The following RANBP2 variants were observed in gnomAD, a reference collection of about 807,000 sequenced individuals.
RANBP2 encodes the protein E3 SUMO-protein ligase RanBP2.
Under a neutral mutation model 303.6 loss-of-function variants are expected in RANBP2, and 57 were observed. The ratio of observed to expected loss-of-function variants is 0.19; its 90% CI spans 0.15 to 0.23. RANBP2 has a LOEUF of 0.23. RANBP2 is among the 10% of genes least tolerant of loss of function. The pLI is 1.00. For synonymous variants in RANBP2, 1,167 were observed against 1,301.5 expected, an observed-to-expected ratio of 0.90 and a Z score of 2.23; for missense variants, 3,138 against 3,780.8, an observed-to-expected ratio of 0.83 and a Z score of 4.46.
chr2:109,040,846 G>T, the RANBP2 span, among the ~76,000 whole-genome samples: 1 of 152,242 alleles, frequency 6.6e-6, no homozygotes, highest in South Asian at 2.1e-4. Flanking sequence ...ACAAGGTCAG[G>T]AGATCGAGAC....
chr2:108,776,654 A>G (rs973343748), intron 24 of RANBP2, among the ~76,000 whole-genome samples: 5 of 152,202 alleles, frequency 3.3e-5, no homozygotes, highest in Admixed American at 6.5e-5. Flanking sequence ...GAGATCATGC[A>G]GCTTCACATT....
At chr2:109,270,230 G>C in the RANBP2 span, among the ~76,000 whole-genome samples, 1 of 152,192 alleles carries the variant, frequency 6.6e-6, no homozygotes, top group African/African-American at 2.4e-5. Context: ...TCTGGGGGGT[G>C]AGGATGCTGG....
At chr2:109,366,943 C>T in the RANBP2 span, among the ~76,000 whole-genome samples, 23 of 152,190 alleles carry the variant, frequency 1.5e-4, no homozygotes, top group Admixed American at 6.5e-4. Context: ...GACTGGGATT[C>T]GTTTTTTGAA....
the RANBP2 span, among the ~76,000 whole-genome samples, chr2:109,164,321 C>T: frequency 3.9e-5 from 6 of 152,244 alleles, no homozygotes; most frequent in African/African-American, 1.4e-4. Flanking sequence ...GTAGCTAGGA[C>T]TACAGCACAG....
the RANBP2 span, among the ~76,000 whole-genome samples, chr2:108,932,985 T>C: frequency 6.6e-6 from 1 of 152,056 alleles, no homozygotes; most frequent in Admixed American, 6.5e-5. Flanking sequence ...CTCGCTCCCG[T>C]AGGAAGAGGG....
the RANBP2 span, among the ~76,000 whole-genome samples, chr2:109,419,948 T>C: frequency 6.6e-6 from 1 of 152,134 alleles, no homozygotes; most frequent in Non-Finnish European, 1.5e-5. Context: ...CTCCATAGCA[T>C]GGAAGGTCCG....
the RANBP2 span, among the ~76,000 whole-genome samples, chr2:109,383,705 C>T: frequency 4.6e-5 from 7 of 152,140 alleles, no homozygotes; most frequent in African/African-American, 1.4e-4. Flanking sequence ...GCTCAACCCC[C>T]GCAGAGGAGC....
chr2:109,193,186 A>T, the RANBP2 span, among the ~76,000 whole-genome samples: 109 of 152,338 alleles, frequency 7.2e-4, no homozygotes, highest in African/African-American at 2.5e-3. Context: ...AACTGGAATC[A>T]GGGCAAATTG....
chr2:109,601,510 C>A, the RANBP2 span, among the ~76,000 whole-genome samples: 1 of 152,184 alleles, frequency 6.6e-6, no homozygotes, highest in East Asian at 1.9e-4. Flanking sequence ...TTTCAGCTTA[C>A]TGGCCATTTC....
the RANBP2 span, among the ~76,000 whole-genome samples, chr2:109,225,478 A>T: frequency 6.6e-6 from 1 of 152,190 alleles, no homozygotes; most frequent in Non-Finnish European, 1.5e-5. Flanking sequence ...CCGACTCCCC[A>T]CTGGGGACTG....
At chr2:109,335,768 T>A in the RANBP2 span, among the ~76,000 whole-genome samples, 1 of 152,210 alleles carries the variant, frequency 6.6e-6, no homozygotes, top group African/African-American at 2.4e-5. Flanking sequence ...TCCGATTTGC[T>A]GACTAACTGC....
At chr2:109,428,850 A>T in the RANBP2 span, among the ~76,000 whole-genome samples, 2 of 152,192 alleles carry the variant, frequency 1.3e-5, no homozygotes, top group East Asian at 1.9e-4. Context: ...GGAAGGTGAG[A>T]GTTGGGCTCA....
the RANBP2 span, among the ~76,000 whole-genome samples, chr2:109,588,100 G>GC: frequency 2.7e-5 from 4 of 150,598 alleles, no homozygotes; most frequent in African/African-American, 9.8e-5. Flanking sequence ...CCTATAAAAT[G>GC]CCCCCCGCCA....
chr2:109,195,927 G>A, the RANBP2 span, among the ~76,000 whole-genome samples: 1 of 152,158 alleles, frequency 6.6e-6, no homozygotes, highest in African/African-American at 2.4e-5. Flanking sequence ...TACTGACTGA[G>A]CACCTCGCCC....
the RANBP2 span, among the ~76,000 whole-genome samples, chr2:109,059,098 G>A: frequency 6.6e-6 from 1 of 152,140 alleles, no homozygotes; most frequent in Non-Finnish European, 1.5e-5. Context: ...TTCCAAAGCG[G>A]GGGTGGGGAA....
the RANBP2 span, among the ~76,000 whole-genome samples, chr2:109,173,795 C>T: frequency 1.3e-5 from 2 of 152,214 alleles, no homozygotes; most frequent in East Asian, 1.9e-4. Flanking sequence ...GTGTCGGCCC[C>T]TGACCAAAGG....
chr2:109,586,579 C>T, the RANBP2 span, among the ~76,000 whole-genome samples: 1 of 152,180 alleles, frequency 6.6e-6, no homozygotes, highest in Admixed American at 6.5e-5. Flanking sequence ...CAAACACACT[C>T]CACTCAAATC....
chr2:109,465,270 G>A, the RANBP2 span, among the ~76,000 whole-genome samples: 1 of 152,188 alleles, frequency 6.6e-6, no homozygotes, highest in Non-Finnish European at 1.5e-5. Context: ...TATGAATACA[G>A]CCGCTATAAA....
At chr2:108,774,372 T>C (rs1677724811) in intron 23 of RANBP2, among the ~76,000 whole-genome samples, 1 of 152,138 alleles carries the variant, frequency 6.6e-6, no homozygotes, top group African/African-American at 2.4e-5. Context: ...AGTAGGAGGA[T>C]TGCTCGGGAG....
Sources: allele counts gnomAD v4.1 joint callset (sites outside exome capture counted in the v4.1 genomes callset), GRCh38; gene constraint gnomAD v4.1.1; transcripts MANE v1.5; gene names NCBI Gene and HGNC (gene_info 2026-07-23, HGNC 2026-07-21).